DENND5A: variants seen among roughly 807,000 people sequenced by gnomAD.
DENND5A encodes the protein DENN domain-containing protein 5A.
Under a neutral mutation model 140.3 loss-of-function variants are expected in DENND5A, and 64 were observed. The ratio of observed to expected loss-of-function variants is 0.46; its 90% CI spans 0.37 to 0.56. The LOEUF (loss-of-function observed/expected upper bound fraction) is 0.56. Among genes scored for constraint, DENND5A ranks in the 20% least tolerant of loss-of-function variants. DENND5A has a pLI of 0.00. For synonymous variants in DENND5A, 605 were observed against 607.7 expected (o/e 1.00, Z 0.07); for missense variants, 1,292 against 1,593.8 (o/e 0.81, Z 3.22).
chr11:9,221,982 C>T (rs938300980), intron 1 of DENND5A, among the ~76,000 whole-genome samples: 2 of 151,964 alleles, frequency 1.3e-5, no homozygotes, highest in African/African-American at 4.8e-5. Flanking sequence ...TGGTCTTGAT[C>T]TCCTGACCTC....
rs77647226 is a variant in DENND5A, at chr11:9,161,481, T to C, written c.2284-616A>G. Among the ~76,000 whole-genome samples the C allele has an allele frequency of 3.8e-3, 578 of 152,380 alleles. 5 individuals are homozygous for C. The highest frequency in any genetic ancestry group is 0.013 in the African/African-American group (553 of 41,590). On this transcript the variant is annotated intron_variant, in intron 11 of 22. Transcript: ENST00000328194. Reference sequence around the variant, plus strand: ...AACAAATAAACCCTTCAGTCATGCTTATCTCTGACATTGTCTGATTCCCAC... The same window carrying C: ...AACAAATAAACCCTTCAGTCATGCTCATCTCTGACATTGTCTGATTCCCAC...
chr11:9,196,530 C>T (rs907205207), intron 4 of DENND5A, among the ~76,000 whole-genome samples: 3 of 152,154 alleles, frequency 2.0e-5, no homozygotes, highest in South Asian at 2.1e-4. Flanking sequence ...TTACACACTT[C>T]GCTGTACACT....
At chr11:9,261,449 G>C (rs1040699759) in intron 1 of DENND5A, among the ~76,000 whole-genome samples, 3 of 152,054 alleles carry the variant, frequency 2.0e-5, no homozygotes, top group African/African-American at 4.8e-5. Context: ...GAGACTCTCA[G>C]GAAGAACCTG....
intron 14 of DENND5A, 82 bp from the exon 15 acceptor site, chr11:9,150,291 G>A: frequency 1.3e-6 from 2 of 1,483,810 alleles, no homozygotes; most frequent in Non-Finnish European, 1.8e-6. Context: ...AAAGCCAAAG[G>A]AGACCTGCTG....
intron 12 of DENND5A, among the ~76,000 whole-genome samples, chr11:9,156,665 T>C (rs1262373334): frequency 6.7e-6 from 1 of 149,290 alleles, no homozygotes; most frequent in Non-Finnish European, 1.5e-5. Context: ...AGCCAGGCAT[T>C]GTGGTGCGGA....
Position 9,142,712 on chromosome 11 carries a change from C to G in DENND5A, c.3511+10G>C. 1 of 1,614,086 alleles carries G rather than the reference C, an allele frequency of 6.2e-7. No homozygotes were observed. Among genetic ancestry groups the G allele is most frequent in the South Asian group, 1.1e-5 (1 of 91,070 alleles). On this transcript the variant is annotated intron_variant, in intron 21 of 22. Transcript: ENST00000328194. ...TGCTTCTCCCACCCTCATACTCCAG[C>G]TCAACTCACCCAGGAAATCCCAAAT... is the stretch of plus-strand genomic sequence containing the variant.
intron 5 of DENND5A, among the ~76,000 whole-genome samples, chr11:9,184,310 G>A (rs1381937273): frequency 2.6e-5 from 4 of 151,688 alleles, no homozygotes; most frequent in South Asian, 4.2e-4. Context: ...CCAAGATCGC[G>A]CCACTGCACT....
At chr11:9,199,542 C>T (rs1052818718) in intron 4 of DENND5A, among the ~76,000 whole-genome samples, 1 of 151,994 alleles carries the variant, frequency 6.6e-6, no homozygotes, top group Non-Finnish European at 1.5e-5. Flanking sequence ...AAAAATTATG[C>T]TATTAAAAAA....
intron 1 of DENND5A, among the ~76,000 whole-genome samples, chr11:9,245,900 C>G (rs1488699480): frequency 1.3e-5 from 2 of 152,188 alleles, no homozygotes; most frequent in Non-Finnish European, 2.9e-5. Context: ...TCACAAAGTG[C>G]TGGGATTATA....
intron 1 of DENND5A, among the ~76,000 whole-genome samples, chr11:9,243,617 G>A (rs1292165166): frequency 6.6e-6 from 1 of 152,166 alleles, no homozygotes. Flanking sequence ...GCCAGGCACG[G>A]TGGCTCACAC....
chr11:9,188,719 C>G (rs951489516), intron 5 of DENND5A, among the ~76,000 whole-genome samples: 2 of 152,134 alleles, frequency 1.3e-5, no homozygotes, highest in Non-Finnish European at 2.9e-5. Context: ...TGACTTTGAA[C>G]TTAAGAGAGA....
In DENND5A at chr11:9,160,789, A is replaced by ACCCCTGTGATGTTCACCTCCC. The variant is rs1404489495; in HGVS notation, c.2339_2359dup (p.Gly780_Gly786dup). 1.2e-6 allele frequency: 2 copies of ACCCCTGTGATGTTCACCTCCC among 1,613,894 alleles called. No individual in the cohort carries two copies. On this transcript the variant is annotated inframe_insertion, in exon 12 of 23. Coordinates refer to ENST00000328194, the MANE Select transcript of DENND5A (RefSeq NM_015213.4). ...GCTGGCAATCAGGGTGTTCTCTTCC[A>ACCCCTGTGATGTTCACCTCCC]CCCCTGTGATGTTCACCTCCCCATG...
At chr11:9,210,289 G>C (rs975550363) in intron 1 of DENND5A, among the ~76,000 whole-genome samples, 1 of 152,032 alleles carries the variant, frequency 6.6e-6, no homozygotes. Flanking sequence ...TAGAAACAAC[G>C]ACTAATTATT....
intron 1 of DENND5A, chr11:9,242,561 T>C (rs759175618): frequency 6.6e-6 from 1 of 152,222 alleles, no homozygotes; most frequent in Non-Finnish European, 1.5e-5. Flanking sequence ...CTTCCAATTC[T>C]TGCTTTATAG....
chr11:9,259,666 C>T, intron 1 of DENND5A, among the ~76,000 whole-genome samples: 1 of 152,116 alleles, frequency 6.6e-6, no homozygotes, highest in Non-Finnish European at 1.5e-5. Flanking sequence ...GCCTCAGCCT[C>T]CCAGACTGCT....
At chr11:9,145,494 T>TCCCC in intron 17 of DENND5A, 176 bp downstream of exon 17, 1 of 717,338 alleles carries the variant, frequency 1.4e-6, no homozygotes, top group Non-Finnish European at 2.4e-6. Context: ...CAGGGTGGGG[T>TCCCC]CCCCCTCCTC....
chr11:9,155,420 A>G (rs1279389121), intron 12 of DENND5A, among the ~76,000 whole-genome samples: 6 of 152,204 alleles, frequency 3.9e-5, no homozygotes, highest in African/African-American at 1.4e-4. Flanking sequence ...ACAAGGGCAA[A>G]ATCAGGCCAC....
Position 9,142,862 on chromosome 11 carries a change from G to A in DENND5A, c.3388-17C>T, listed in dbSNP as rs759009878. 38 of 1,613,436 alleles carry A rather than the reference G, an allele frequency of 2.4e-5. No individual in the cohort carries two copies. Among genetic ancestry groups the A allele is most frequent in the Admixed American group, 2.0e-4 (12 of 59,982 alleles). ...ACTGCCTCGCTACGTAAGGAAACAGGGGAGGGTGCCAGGCTTGTCTCAGCC... is the reference window on the plus strand; with the variant it reads ...ACTGCCTCGCTACGTAAGGAAACAGAGGAGGGTGCCAGGCTTGTCTCAGCC... On this transcript the variant is annotated splice_polypyrimidine_tract_variant and intron_variant, in intron 20 of 22. Coordinates refer to ENST00000328194, the MANE Select transcript of DENND5A (RefSeq NM_015213.4).
intron 1 of DENND5A, among the ~76,000 whole-genome samples, chr11:9,247,620 G>C (rs7946972): frequency 9.9e-5 from 15 of 151,800 alleles, no homozygotes; most frequent in Non-Finnish European, 2.1e-4. Context: ...CAATATGAAC[G>C]ACCATGGCCC....
Sources: gnomAD v4.1 joint callset for allele counts (sites outside exome capture counted in the v4.1 genomes callset) on GRCh38, gnomAD v4.1.1 for gene constraint, MANE v1.5 for transcripts, NCBI Gene and HGNC (gene_info 2026-07-23, HGNC 2026-07-21) for gene names.